Variants in HRH1 observed in about 807,000 individuals in gnomAD.
HRH1 encodes the protein histamine H1 receptor.
Under a neutral mutation model 10.3 loss-of-function variants are expected in HRH1, and 6 were observed. That is an observed-to-expected ratio of 0.58 (90% CI 0.32 to 1.15). HRH1 has a LOEUF of 1.15. Ranked by LOEUF, HRH1 falls within the 50% of genes most tolerant of loss-of-function variation. The pLI, the probability that HRH1 is intolerant of heterozygous loss-of-function variation, is 0.05. For missense variants in HRH1, 514 were observed against 615.3 expected (o/e 0.84, Z 1.74); for synonymous variants, 242 against 236.7 (o/e 1.02, Z -0.21).
chr3:11,257,262 A>G (rs2152589266), intron 1 of HRH1, among the ~76,000 whole-genome samples: 1 of 150,588 alleles, frequency 6.6e-6, no homozygotes, highest in East Asian at 2.0e-4. Context: ...TAAAAAAAAA[A>G]AAAAAAAAAA....
In HRH1 at chr3:11,170,985, G is replaced by C. The variant is rs555841419; in HGVS notation, c.-36+16431G>C. 8.5e-5 allele frequency among the ~76,000 whole-genome samples: 13 copies of C among 152,242 alleles called. No individual in the cohort carries two copies. The South Asian group carries it at 1.2e-3, about 15-fold the overall frequency. Reference sequence around the variant, plus strand: ...GATAAGCAGTGTCATATTGTTGGGAGACCTTTCATAATTAGGGATCGCCTC... The same window carrying C: ...GATAAGCAGTGTCATATTGTTGGGACACCTTTCATAATTAGGGATCGCCTC... On this transcript the variant is annotated intron_variant, in intron 1 of 1. Transcript: ENST00000431010.
intron 1 of HRH1, among the ~76,000 whole-genome samples, chr3:11,178,205 C>T (rs894657535): frequency 2.0e-5 from 3 of 152,338 alleles, no homozygotes; most frequent in South Asian, 2.1e-4. Flanking sequence ...TCAAGTCCCT[C>T]GCCAGCTTCT....
chr3:11,204,044 AG>A (rs1456506674), intron 1 of HRH1, among the ~76,000 whole-genome samples: 1 of 152,206 alleles, frequency 6.6e-6, no homozygotes, highest in Non-Finnish European at 1.5e-5. Flanking sequence ...ATGGGAGAAT[AG>A]GTATCTCATT....
chr3:11,199,018 G>A (rs1411550886), intron 1 of HRH1, among the ~76,000 whole-genome samples: 1 of 151,598 alleles, frequency 6.6e-6, no homozygotes, highest in African/African-American at 2.4e-5. Flanking sequence ...CTGCCCCCCA[G>A]GTTCAAGCAA....
At chr3:11,187,991 A>G (rs1298243064) in intron 1 of HRH1, among the ~76,000 whole-genome samples, 2 of 152,218 alleles carry the variant, frequency 1.3e-5, no homozygotes, top group African/African-American at 4.8e-5. Flanking sequence ...TTTCCTGTGT[A>G]TAACATAGAA....
chr3:11,202,191 G>A (rs1195589477), intron 1 of HRH1, among the ~76,000 whole-genome samples: 1 of 152,172 alleles, frequency 6.6e-6, no homozygotes, highest in Non-Finnish European at 1.5e-5. Flanking sequence ...ATCATGTGAG[G>A]TCAGGAGTTC....
At chr3:11,189,848 G>A (rs144361527) in intron 1 of HRH1, among the ~76,000 whole-genome samples, 4,051 of 152,220 alleles carry the variant, frequency 0.027, 172 homozygotes, top group East Asian at 0.13. Flanking sequence ...TACTCGGGAG[G>A]CTGAGGCACA....
chr3:11,207,430 T>C (rs891741303), intron 1 of HRH1, among the ~76,000 whole-genome samples: 2 of 148,002 alleles, frequency 1.4e-5, no homozygotes, highest in Non-Finnish European at 3.0e-5. Flanking sequence ...ATTAGCCGGG[T>C]GTGGTGGCGG....
chr3:11,221,135 C>T (rs1338088068), intron 1 of HRH1, among the ~76,000 whole-genome samples: 1 of 152,170 alleles, frequency 6.6e-6, no homozygotes, highest in East Asian at 1.9e-4. Flanking sequence ...CATGAATTCC[C>T]AGGAGGATTT....
chr3:11,140,017 G>T (rs1316606230), intron 1 of HRH1, among the ~76,000 whole-genome samples: 1 of 152,126 alleles, frequency 6.6e-6, no homozygotes, highest in Admixed American at 6.5e-5. Flanking sequence ...TTTTTTTAAA[G>T]AAAAGAAATA....
chr3:11,256,572 G>C (rs929604526), intron 1 of HRH1, among the ~76,000 whole-genome samples: 1 of 152,132 alleles, frequency 6.6e-6, no homozygotes, highest in Non-Finnish European at 1.5e-5. Context: ...AGGCTGAGGT[G>C]GGTGGATCAT....
rs74689884 is a variant in HRH1, at chr3:11,176,435, C to T, written c.-36+21881C>T. Among the ~76,000 whole-genome samples, 422 of 152,202 alleles carry T rather than the reference C, an allele frequency of 2.8e-3. 1 individual carries two copies. Among genetic ancestry groups the T allele is most frequent in the Non-Finnish European group, 5.1e-3 (347 of 68,014 alleles). On this transcript the variant is annotated intron_variant, in intron 1 of 1. Coordinates refer to ENST00000431010, the MANE Select transcript of HRH1 (RefSeq NM_001098212.2). Reference sequence around the variant, plus strand: ...ATGCCTCATGGAAGGTGGTACACCCCGCCCCATTGTGCACTGTTCTCCTAG... The same window carrying T: ...ATGCCTCATGGAAGGTGGTACACCCTGCCCCATTGTGCACTGTTCTCCTAG...
At chr3:11,254,040 A>G (rs1162481723) in intron 1 of HRH1, among the ~76,000 whole-genome samples, 1 of 152,118 alleles carries the variant, frequency 6.6e-6, no homozygotes, top group Admixed American at 6.5e-5. Flanking sequence ...TGGTCCTTCC[A>G]TTATCCTTCC....
chr3:11,189,493 T>C (rs187634056), intron 1 of HRH1, among the ~76,000 whole-genome samples: 115 of 152,320 alleles, frequency 7.5e-4, no homozygotes, highest in African/African-American at 2.5e-3. Context: ...TTGGCATCTG[T>C]GGATGTAACA....
chr3:11,169,686 G>A (rs904083337), intron 1 of HRH1, among the ~76,000 whole-genome samples: 3 of 152,106 alleles, frequency 2.0e-5, no homozygotes, highest in Non-Finnish European at 4.4e-5. Flanking sequence ...CTCTTCAAGA[G>A]GCAATACATC....
intron 1 of HRH1, among the ~76,000 whole-genome samples, chr3:11,236,719 T>C (rs1307755759): frequency 6.6e-6 from 1 of 152,224 alleles, no homozygotes; most frequent in East Asian, 1.9e-4. Flanking sequence ...ATAACTTCTA[T>C]ATATAAATAT....
chr3:11,245,498 C>T (rs73024490), intron 1 of HRH1, among the ~76,000 whole-genome samples: 21 of 152,316 alleles, frequency 1.4e-4, no homozygotes, highest in Non-Finnish European at 2.4e-4. Flanking sequence ...CCCAGATATG[C>T]CTCTTGGGCT....
intron 1 of HRH1, among the ~76,000 whole-genome samples, chr3:11,238,160 G>A (rs917575832): frequency 1.3e-5 from 2 of 152,128 alleles, no homozygotes; most frequent in Non-Finnish European, 2.9e-5. Flanking sequence ...GTTGTGGGGA[G>A]CAGACAAACA....
chr3:11,201,066 C>T (rs539347237), intron 1 of HRH1, among the ~76,000 whole-genome samples: 1 of 152,282 alleles, frequency 6.6e-6, no homozygotes, highest in East Asian at 1.9e-4. Context: ...GTGCAGTTTT[C>T]GGGGATCTAT....
Sources: gnomAD v4.1 joint callset for allele counts (sites outside exome capture counted in the v4.1 genomes callset) on GRCh38, gnomAD v4.1.1 for gene constraint, MANE v1.5 for transcripts, NCBI Gene and HGNC (gene_info 2026-07-23, HGNC 2026-07-21) for gene names.